Variants in DPYD observed in about 807,000 individuals in gnomAD.
The protein encoded by DPYD is dihydropyrimidine dehydrogenase [NADP(+)].
Under a neutral mutation model 116.2 loss-of-function variants are expected in DPYD, and 109 were observed. The observed-to-expected ratio is 0.94, with a 90% CI of 0.80 to 1.10. The LOEUF is 1.10. DPYD is among the 50% of genes least tolerant of loss of function. The pLI, the probability that DPYD is intolerant of heterozygous loss-of-function variation, is 0.00. For synonymous variants in DPYD, 440 were observed against 432.0 expected, an observed-to-expected ratio of 1.02 and a Z score of -0.23; for missense variants, 1,302 against 1,254.5, an observed-to-expected ratio of 1.04 and a Z score of -0.57.
At chr1:97,364,763 C>T (rs996139588) in intron 16 of DPYD, among the ~76,000 whole-genome samples, 2 of 152,074 alleles carry the variant, frequency 1.3e-5, no homozygotes, top group Admixed American at 6.6e-5. Flanking sequence ...TATGGCTTCC[C>T]CAATGATCAT....
At chr1:97,639,518 A>G (rs986144991) in intron 8 of DPYD, among the ~76,000 whole-genome samples, 2 of 152,108 alleles carry the variant, frequency 1.3e-5, no homozygotes, top group African/African-American at 4.8e-5. Context: ...AAATGTAAGC[A>G]CTATGCATTT....
intron 16 of DPYD, among the ~76,000 whole-genome samples, chr1:97,330,418 T>C (rs1668926364): frequency 6.6e-6 from 1 of 152,148 alleles, no homozygotes; most frequent in South Asian, 2.1e-4. Flanking sequence ...GGGCTGCATG[T>C]TATATAACCA....
At chr1:97,147,452 A>G (rs1182989273) in intron 20 of DPYD, among the ~76,000 whole-genome samples, 2 of 152,204 alleles carry the variant, frequency 1.3e-5, no homozygotes, top group Non-Finnish European at 2.9e-5. Flanking sequence ...AATCCCTTAC[A>G]TTTGTTGGTC....
chr1:97,380,973 T>C (rs150403077), intron 15 of DPYD, among the ~76,000 whole-genome samples: 167 of 152,328 alleles, frequency 1.1e-3, no homozygotes, highest in African/African-American at 3.9e-3. Flanking sequence ...ACTTCCTTCA[T>C]ATGATATCTC....
chr1:97,650,221 G>A (rs1413652003), intron 8 of DPYD, among the ~76,000 whole-genome samples: 2 of 152,094 alleles, frequency 1.3e-5, no homozygotes, highest in Admixed American at 1.3e-4. Context: ...AAGGCTAGGA[G>A]CTCCTCTAGA....
intron 8 of DPYD, among the ~76,000 whole-genome samples, 182 bp from the exon 9 acceptor site, chr1:97,595,348 T>C (rs1361632864): frequency 6.6e-6 from 1 of 152,120 alleles, no homozygotes; most frequent in African/African-American, 2.4e-5. Context: ...ATATTATGTA[T>C]ATCTTTAATA....
chr1:97,280,749 G>C (rs1040391861), intron 18 of DPYD, among the ~76,000 whole-genome samples: 1 of 152,000 alleles, frequency 6.6e-6, no homozygotes, highest in South Asian at 2.1e-4. Context: ...GGGGTAGGGG[G>C]AGCAGGGGCC....
At chr1:97,385,928 C>A (rs1672318566) in intron 14 of DPYD, among the ~76,000 whole-genome samples, 1 of 152,222 alleles carries the variant, frequency 6.6e-6, no homozygotes, top group South Asian at 2.1e-4. Flanking sequence ...TAATTGTTCA[C>A]CCTGTAGGTT....
chr1:97,355,079 T>C (rs1275949569), intron 16 of DPYD, among the ~76,000 whole-genome samples: 1 of 152,208 alleles, frequency 6.6e-6, no homozygotes, highest in East Asian at 1.9e-4. Context: ...TTTATGAATT[T>C]ATTATTTTGG....
chr1:97,340,066 C>A (rs972928513), intron 16 of DPYD, among the ~76,000 whole-genome samples: 1 of 151,888 alleles, frequency 6.6e-6, no homozygotes, highest in South Asian at 2.1e-4. Context: ...CAGAAGAATG[C>A]AATTTCCAAA....
intron 7 of DPYD, among the ~76,000 whole-genome samples, chr1:97,679,515 T>C (rs868395467): frequency 2.0e-5 from 3 of 152,056 alleles, no homozygotes; most frequent in Non-Finnish European, 2.9e-5. Context: ...CCAGCATCAA[T>C]GTACAGTCAA....
At chr1:97,501,115 T>G (rs928556535) in intron 13 of DPYD, among the ~76,000 whole-genome samples, 1 of 151,978 alleles carries the variant, frequency 6.6e-6, no homozygotes, top group African/African-American at 2.4e-5. Context: ...TACGACATAG[T>G]TCTGGACGGA....
chr1:97,823,516 G>A (rs1460671802), intron 3 of DPYD, among the ~76,000 whole-genome samples: 1 of 152,020 alleles, frequency 6.6e-6, no homozygotes, highest in Admixed American at 6.6e-5. Context: ...CCAAGCTTCT[G>A]GTAACCACTA....
intron 18 of DPYD, among the ~76,000 whole-genome samples, chr1:97,242,148 A>ATC (rs1329882005): frequency 2.3e-5 from 3 of 131,866 alleles, no homozygotes; most frequent in African/African-American, 8.3e-5. Context: ...ATATATATAT[A>ATC]TATATATATA....
intron 14 of DPYD, among the ~76,000 whole-genome samples, chr1:97,426,224 G>A (rs1437066552): frequency 2.0e-5 from 3 of 151,864 alleles, no homozygotes; most frequent in East Asian, 1.9e-4. Context: ...TAAGGACTTC[G>A]GTTCAGATGA....
intron 2 of DPYD, among the ~76,000 whole-genome samples, chr1:97,846,824 A>T (rs997240868): frequency 6.6e-6 from 1 of 152,210 alleles, no homozygotes; most frequent in African/African-American, 2.4e-5. Context: ...AATGACTATT[A>T]TTTGTTCACC....
intron 20 of DPYD, among the ~76,000 whole-genome samples, chr1:97,115,585 T>A (rs1651907002): frequency 6.6e-6 from 1 of 152,178 alleles, no homozygotes; most frequent in Admixed American, 6.5e-5. Context: ...TTTCCTAATT[T>A]TCTACAGTGA....
chr1:97,614,219 A>C (rs1656128430), intron 8 of DPYD, among the ~76,000 whole-genome samples: 1 of 152,098 alleles, frequency 6.6e-6, no homozygotes, highest in African/African-American at 2.4e-5. Flanking sequence ...ATAACCCGAG[A>C]TTTTATTTAC....
At chr1:97,735,495 T>C (rs112526027) in intron 4 of DPYD, among the ~76,000 whole-genome samples, 1,634 of 140,662 alleles carry the variant, frequency 0.012, 33 homozygotes, top group African/African-American at 0.041. Context: ...GCTAACACAG[T>C]GAAACCCTGC....
Sources: gnomAD v4.1 joint callset for allele counts (sites outside exome capture counted in the v4.1 genomes callset) on GRCh38, gnomAD v4.1.1 for gene constraint, MANE v1.5 for transcripts, NCBI Gene and HGNC (gene_info 2026-07-23, HGNC 2026-07-21) for gene names.